ARHGAP10: variants seen among roughly 807,000 people sequenced by gnomAD.
The protein encoded by ARHGAP10 is rho GTPase-activating protein 10.
ARHGAP10 carries 87 observed loss-of-function variants against 108.6 expected under a neutral mutation model. The observed-to-expected ratio is 0.80, with a 90% CI of 0.67 to 0.96. The LOEUF is 0.96. Among genes scored for constraint, ARHGAP10 ranks in the 40% least tolerant of loss-of-function variants. ARHGAP10 has a pLI of 0.00. For missense variants in ARHGAP10, 939 were observed against 954.5 expected, an observed-to-expected ratio of 0.98 and a Z score of 0.21; for synonymous variants, 347 against 341.1, an observed-to-expected ratio of 1.02 and a Z score of -0.19.
At chr4:147,955,089 G>A (rs1251789211) in intron 15 of ARHGAP10, among the ~76,000 whole-genome samples, 17 of 152,072 alleles carry the variant, frequency 1.1e-4, no homozygotes, top group Non-Finnish European at 2.4e-4. Flanking sequence ...GTATGCTTAG[G>A]TCTAGTAGGG....
intron 20 of ARHGAP10, among the ~76,000 whole-genome samples, chr4:148,053,105 A>T (rs1463057201): frequency 1.3e-5 from 2 of 152,162 alleles, no homozygotes; most frequent in East Asian, 3.9e-4. Flanking sequence ...CCAGTGCGGT[A>T]GATATATCTT....
intron 18 of ARHGAP10, among the ~76,000 whole-genome samples, chr4:147,974,991 G>T (rs1374630179): frequency 2.0e-5 from 3 of 152,136 alleles, no homozygotes; most frequent in African/African-American, 7.2e-5. Context: ...CACAACATGT[G>T]GGAATATGGG....
At chr4:147,874,044 C>A (rs919268009) in intron 7 of ARHGAP10, among the ~76,000 whole-genome samples, 8 of 151,898 alleles carry the variant, frequency 5.3e-5, no homozygotes, top group African/African-American at 1.9e-4. Flanking sequence ...AACAACAAAC[C>A]TCTGCAGACA....
At position 147,905,293 on chromosome 4, in the gene ARHGAP10, A is replaced by G. The variant is rs978424161; in HGVS notation, c.1035-1345A>G. Among the ~76,000 whole-genome samples, 28 of 149,464 alleles carry G rather than the reference A, an allele frequency of 1.9e-4. 1 individual carries two copies. The East Asian group carries it at 5.3e-3, about 28-fold the overall frequency. Reference sequence around the variant, plus strand: ...TGCCATTGCTTTTGGTGTTTTAGACATGAAGTCCTTGCCCATGCCTATGTC... The same window carrying G: ...TGCCATTGCTTTTGGTGTTTTAGACGTGAAGTCCTTGCCCATGCCTATGTC... On this transcript the variant is annotated intron_variant, in intron 10 of 22. Transcript: ENST00000336498.
At position 147,732,311 on chromosome 4, in the gene ARHGAP10, C is replaced by T; in HGVS notation, c.10C>T (p.Gln4Ter). 6.8e-6 allele frequency: 11 copies of T among 1,610,876 alleles called. No homozygotes were observed. Among genetic ancestry groups the T allele is most frequent in the African/African-American group, 1.3e-5 (1 of 74,578 alleles). ...AGCGACCGCTGCCGTCATGGGGCTGCAGCCCCTGGAGTTCAGCGACTGCTA... is the reference window on the plus strand; with the variant it reads ...AGCGACCGCTGCCGTCATGGGGCTGTAGCCCCTGGAGTTCAGCGACTGCTA... MGL[Q>*]PLEFSDCYLD... is the part of the protein sequence containing the mutation. Residue 4 changes from glutamine (Q) to a stop codon, truncating the protein, a stop_gained, in exon 1 of 23, where the codon CAG becomes TAG. Coordinates refer to ENST00000336498, the MANE Select transcript of ARHGAP10 (RefSeq NM_024605.4). LOFTEE classifies it high-confidence loss of function.
intron 9 of ARHGAP10, among the ~76,000 whole-genome samples, chr4:147,881,632 C>T (rs544180555): frequency 1.3e-5 from 2 of 152,218 alleles, no homozygotes; most frequent in East Asian, 3.9e-4. Context: ...AGCGAGGCTC[C>T]CTTCTCAAAA....
At chr4:147,922,163 A>G (rs1737259864) in intron 13 of ARHGAP10, among the ~76,000 whole-genome samples, 1 of 152,108 alleles carries the variant, frequency 6.6e-6, no homozygotes, top group Admixed American at 6.5e-5. Flanking sequence ...CAAAGGGTAG[A>G]TGATGGAAAC....
At chr4:147,785,899 T>A (rs1324695981) in intron 1 of ARHGAP10, among the ~76,000 whole-genome samples, 1 of 152,168 alleles carries the variant, frequency 6.6e-6, no homozygotes. Context: ...CACTCCCTAT[T>A]TTCATAATTT....
rs532371982 is a variant in ARHGAP10 at position 147,802,509 on chromosome 4, C to T, written c.155-20218C>T. Among the ~76,000 whole-genome samples the T allele has an allele frequency of 5.3e-5, 8 of 152,340 alleles. No homozygotes were observed. In the South Asian group the frequency reaches 1.7e-3, roughly 32 times the overall value. Reference sequence around the variant, plus strand: ...CAAAGACTGTTAGCATTGGGCAGGGCCCCCTTTGGACCATGTTTGTAGCCT... The same window carrying T: ...CAAAGACTGTTAGCATTGGGCAGGGTCCCCTTTGGACCATGTTTGTAGCCT... On this transcript the variant is annotated intron_variant, in intron 1 of 22. Coordinates refer to ENST00000336498, the MANE Select transcript of ARHGAP10 (RefSeq NM_024605.4).
chr4:147,746,256 A>G (rs751016762), intron 1 of ARHGAP10, among the ~76,000 whole-genome samples: 2 of 150,950 alleles, frequency 1.3e-5, no homozygotes, highest in Non-Finnish European at 2.9e-5. Flanking sequence ...GGCATGCACC[A>G]CCATGCCCAG....
chr4:147,991,480 T>A (rs1740276102), intron 18 of ARHGAP10, among the ~76,000 whole-genome samples: 1 of 152,218 alleles, frequency 6.6e-6, no homozygotes, highest in South Asian at 2.1e-4. Context: ...AAGTGGATGA[T>A]GTTTCAGTCC....
At position 147,998,414 on chromosome 4, in the gene ARHGAP10, C is replaced by G. The variant is rs1276029373; in HGVS notation, c.1717-24849C>G. Among the ~76,000 whole-genome samples, 3 of 152,326 alleles carry G rather than the reference C, an allele frequency of 2.0e-5. No individual in the cohort carries two copies. The East Asian group carries it at 5.8e-4, about 29-fold the overall frequency. On this transcript the variant is annotated intron_variant, in intron 18 of 22. Coordinates refer to ENST00000336498, the MANE Select transcript of ARHGAP10 (RefSeq NM_024605.4). ...ATTTTCACTGCTGAATGCTTTAAAA[C>G]TCAGAAGAAACAGTTAAATCTTTGG...
At chr4:147,842,668 T>A (rs1000455339) in intron 3 of ARHGAP10, among the ~76,000 whole-genome samples, 5 of 152,202 alleles carry the variant, frequency 3.3e-5, no homozygotes, top group African/African-American at 1.2e-4. Flanking sequence ...TGTTTCAGGC[T>A]GAGCTGTGCA....
chr4:148,052,072 A>G (rs1335973103), intron 20 of ARHGAP10, among the ~76,000 whole-genome samples: 1 of 152,234 alleles, frequency 6.6e-6, no homozygotes, highest in Non-Finnish European at 1.5e-5. Flanking sequence ...AGTACACCAC[A>G]GTAAACTGTG....
intron 14 of ARHGAP10, among the ~76,000 whole-genome samples, chr4:147,940,279 CA>C (rs1738122937): frequency 6.6e-6 from 1 of 152,080 alleles, no homozygotes; most frequent in African/African-American, 2.4e-5. Context: ...ATGGAGCTTC[CA>C]AAACTGTCAT....
chr4:147,905,179 G>A (rs1736432457), intron 10 of ARHGAP10, among the ~76,000 whole-genome samples: 1 of 152,018 alleles, frequency 6.6e-6, no homozygotes, highest in South Asian at 2.1e-4. Flanking sequence ...CCATTTTGTA[G>A]GTTGCCTGAT....
At chr4:147,912,342 C>A (rs1198621519) in intron 12 of ARHGAP10, among the ~76,000 whole-genome samples, 2 of 151,262 alleles carry the variant, frequency 1.3e-5, no homozygotes, top group African/African-American at 2.4e-5. Context: ...GAATTCAAGA[C>A]CAGCCTGGCC....
At chr4:147,764,604 A>G (rs1355362002) in intron 1 of ARHGAP10, among the ~76,000 whole-genome samples, 1 of 151,740 alleles carries the variant, frequency 6.6e-6, no homozygotes, top group Non-Finnish European at 1.5e-5. Context: ...CGTGATCTCA[A>G]CTCCCTGCAA....
At chr4:147,849,401 A>G (rs1733769618) in intron 4 of ARHGAP10, among the ~76,000 whole-genome samples, 1 of 152,216 alleles carries the variant, frequency 6.6e-6, no homozygotes, top group African/African-American at 2.4e-5. Flanking sequence ...ACATTCAGTC[A>G]TATTTTGTCA....
Sources: allele counts gnomAD v4.1 joint callset (sites outside exome capture counted in the v4.1 genomes callset), GRCh38; gene constraint gnomAD v4.1.1; transcripts MANE v1.5; gene names NCBI Gene and HGNC (gene_info 2026-07-23, HGNC 2026-07-21).